The following HS6ST3 variants were observed in gnomAD, a reference collection of about 807,000 sequenced individuals.
HS6ST3 encodes heparan-sulfate 6-O-sulfotransferase 3.
Under a neutral mutation model 36.7 loss-of-function variants are expected in HS6ST3, and 12 were observed. The observed-to-expected ratio is 0.33, with a 90% CI of 0.21 to 0.53. The LOEUF is 0.53. HS6ST3 is among the 20% of genes least tolerant of loss of function. The pLI, the probability that HS6ST3 is intolerant of heterozygous loss-of-function variation, is 0.95. For synonymous variants in HS6ST3, 240 were observed against 257.5 expected (o/e 0.93, Z 0.65); for missense variants, 584 against 640.9 (o/e 0.91, Z 0.96).
At chr13:96,796,507 C>G (rs1877915847) in intron 1 of HS6ST3, among the ~76,000 whole-genome samples, 1 of 152,026 alleles carries the variant, frequency 6.6e-6, no homozygotes, top group African/African-American at 2.4e-5. Context: ...AAAGAAAACT[C>G]ATATTTTTGG....
At chr13:96,535,013 A>G (rs2056149588) in intron 1 of HS6ST3, among the ~76,000 whole-genome samples, 2 of 152,144 alleles carry the variant, frequency 1.3e-5, no homozygotes. Context: ...AAAGCATAGC[A>G]TTTCAAAGTA....
intron 1 of HS6ST3, among the ~76,000 whole-genome samples, chr13:96,445,723 C>A (rs2055694726): frequency 6.6e-6 from 1 of 151,056 alleles, no homozygotes; most frequent in Admixed American, 6.6e-5. Context: ...CAAAAAATAA[C>A]CAGGCGTGGT....
intron 1 of HS6ST3, among the ~76,000 whole-genome samples, chr13:96,343,924 A>T (rs2055141774): frequency 6.6e-6 from 1 of 151,978 alleles, no homozygotes; most frequent in South Asian, 2.1e-4. Context: ...TTGTATTTTT[A>T]GTAGAGATGG....
chr13:96,096,894 A>T (rs2053793762), intron 1 of HS6ST3, among the ~76,000 whole-genome samples: 2 of 152,180 alleles, frequency 1.3e-5, no homozygotes, highest in South Asian at 4.1e-4. Flanking sequence ...GAATTGTTGA[A>T]CTACCAAGAA....
intron 1 of HS6ST3, among the ~76,000 whole-genome samples, chr13:96,145,231 T>G: frequency 6.6e-6 from 1 of 150,722 alleles, no homozygotes; most frequent in South Asian, 2.1e-4. Context: ...ATTGCCACAT[T>G]GACTTCCACA....
intron 1 of HS6ST3, among the ~76,000 whole-genome samples, chr13:96,361,045 G>T (rs1794965503): frequency 6.6e-6 from 1 of 152,030 alleles, no homozygotes; most frequent in African/African-American, 2.4e-5. Flanking sequence ...GAAACACTAT[G>T]CAAGAATGGT....
At chr13:96,716,598 A>G (rs749086709) in intron 1 of HS6ST3, among the ~76,000 whole-genome samples, 2 of 152,154 alleles carry the variant, frequency 1.3e-5, no homozygotes, top group Non-Finnish European at 2.9e-5. Context: ...ATGATCTATT[A>G]TCTATGATCT....
chr13:96,386,553 A>G (rs9300346), intron 1 of HS6ST3, among the ~76,000 whole-genome samples: 127,701 of 152,096 alleles, frequency 0.84, 54,042 homozygotes, highest in South Asian at 0.91. Context: ...AATTTTATAC[A>G]TATGTTTTAC....
chr13:96,204,658 G>A (rs1322560283), intron 1 of HS6ST3, among the ~76,000 whole-genome samples: 1 of 152,100 alleles, frequency 6.6e-6, no homozygotes, highest in African/African-American at 2.4e-5. Context: ...AGACCACAGT[G>A]CAATGAAATT....
intron 1 of HS6ST3, among the ~76,000 whole-genome samples, chr13:96,470,992 T>C (rs1054176583): frequency 1.3e-5 from 2 of 152,230 alleles, no homozygotes; most frequent in African/African-American, 4.8e-5. Context: ...TTTATTCTTT[T>C]GTCTGACCTA....
intron 1 of HS6ST3, among the ~76,000 whole-genome samples, chr13:96,790,194 T>C (rs1480812342): frequency 6.6e-6 from 1 of 151,720 alleles, no homozygotes; most frequent in Non-Finnish European, 1.5e-5. Flanking sequence ...ATTGAGTCCA[T>C]CAAGTGAATT....
intron 1 of HS6ST3, among the ~76,000 whole-genome samples, chr13:96,452,039 A>T (rs1195699595): frequency 6.6e-6 from 1 of 152,208 alleles, no homozygotes; most frequent in Non-Finnish European, 1.5e-5. Context: ...TAGCTGGCAC[A>T]AGAAAACTCT....
At chr13:96,117,289 A>G in intron 1 of HS6ST3, among the ~76,000 whole-genome samples, 1 of 152,258 alleles carries the variant, frequency 6.6e-6, no homozygotes, top group Non-Finnish European at 1.5e-5. Flanking sequence ...CAAGATTAAC[A>G]TTGTAAGATG....
At chr13:96,419,180 T>G (rs1337259056) in intron 1 of HS6ST3, among the ~76,000 whole-genome samples, 1 of 152,186 alleles carries the variant, frequency 6.6e-6, no homozygotes, top group African/African-American at 2.4e-5. Context: ...ATGTAACAAT[T>G]TAGTGTGAAT....
chr13:96,209,699 T>C (rs996484329), intron 1 of HS6ST3, among the ~76,000 whole-genome samples: 42 of 152,138 alleles, frequency 2.8e-4, no homozygotes, highest in African/African-American at 9.9e-4. Context: ...TTTCCTCAAA[T>C]ATTTCAACCT....
Position 96,090,715 on chromosome 13 carries a change from C to CCGG in HS6ST3, c.-148_-147insCGG. On this transcript the variant is annotated 5_prime_UTR_variant, in exon 1 of 2. Coordinates refer to ENST00000376705, the MANE Select transcript of HS6ST3 (RefSeq NM_153456.4). ...CAAGCCCCGAGGGCCGCGGGGCCGC[C>CCGG]AGCCAGCCACACGCCTCGGCGTCAG... 2.3e-6 allele frequency: 1 copy of CCGG among 435,372 alleles called. No individual in the cohort carries two copies. Among genetic ancestry groups the CCGG allele is most frequent in the Non-Finnish European group, 3.4e-6 (1 of 293,412 alleles). The allele number at this position is 435,372 out of a possible 1,614,324, so 27.0% of individuals were successfully genotyped here. A position where few individuals can be genotyped will look rare whatever the true frequency, so the allele number is the denominator to read the frequency against.
chr13:96,225,603 A>G (rs1222061729), intron 1 of HS6ST3, among the ~76,000 whole-genome samples: 1 of 152,126 alleles, frequency 6.6e-6, no homozygotes, highest in Non-Finnish European at 1.5e-5. Context: ...CATCCATCCC[A>G]CCTTGCATCA....
At chr13:96,719,390 C>T (rs1875788184) in intron 1 of HS6ST3, among the ~76,000 whole-genome samples, 1 of 151,864 alleles carries the variant, frequency 6.6e-6, no homozygotes, top group Admixed American at 6.6e-5. Context: ...TGTTTGATTT[C>T]ATGCTTTTTT....
chr13:96,370,834 G>C (rs547453953), intron 1 of HS6ST3, among the ~76,000 whole-genome samples: 2 of 152,284 alleles, frequency 1.3e-5, no homozygotes, highest in South Asian at 4.1e-4. Flanking sequence ...GGAAATGGAG[G>C]TTGCAGTGAG....
Sources: gnomAD v4.1 joint callset for allele counts (sites outside exome capture counted in the v4.1 genomes callset) on GRCh38, gnomAD v4.1.1 for gene constraint, MANE v1.5 for transcripts, NCBI Gene and HGNC (gene_info 2026-07-23, HGNC 2026-07-21) for gene names.